The following SCAPER variants were observed in gnomAD, a reference collection of about 807,000 sequenced individuals.
SCAPER encodes the protein S-phase cyclin A associated protein in the ER.
Under a neutral mutation model 182.2 loss-of-function variants are expected in SCAPER, and 98 were observed. That is an observed-to-expected ratio of 0.54 (90% CI 0.46 to 0.64). The LOEUF (loss-of-function observed/expected upper bound fraction) is 0.64. Among genes scored for constraint, SCAPER ranks in the 30% least tolerant of loss-of-function variants. The probability of loss-of-function intolerance (pLI) is 0.00; values close to 1 mark genes in which losing one functional copy is unlikely to be tolerated. For missense variants in SCAPER, 1,432 were observed against 1,690.0 expected, an observed-to-expected ratio of 0.85 and a Z score of 2.68; for synonymous variants, 605 against 564.6, an observed-to-expected ratio of 1.07 and a Z score of -1.01.
intron 8 of SCAPER, among the ~76,000 whole-genome samples, chr15:76,794,990 T>C (rs1169614921): frequency 6.6e-6 from 1 of 152,196 alleles, no homozygotes. Flanking sequence ...TTTTTGTTCC[T>C]ACCTGAAGTC....
rs553094698 is a variant in SCAPER at position 76,610,557 on chromosome 15, T to C, written c.2711+11207A>G. On this transcript the variant is annotated intron_variant, in intron 22 of 31. Transcript: ENST00000563290. ...TAAAGATTCTACAAAAAAATCCTGA[T>C]AGTATTAATATACAAATTCAGTAAA... is the stretch of plus-strand genomic sequence containing the variant. 4.6e-5 allele frequency among the ~76,000 whole-genome samples: 7 copies of C among 152,324 alleles called. No individual in the cohort carries two copies. In the South Asian group the frequency reaches 1.2e-3, roughly 27 times the overall value.
chr15:76,744,518 C>A (rs1388690782), intron 15 of SCAPER, among the ~76,000 whole-genome samples: 1 of 152,006 alleles, frequency 6.6e-6, no homozygotes, highest in Non-Finnish European at 1.5e-5. Context: ...AAGTGTCCAA[C>A]TAACATGAAA....
At chr15:76,562,337 G>T (rs1474201870) in intron 23 of SCAPER, among the ~76,000 whole-genome samples, 3 of 151,910 alleles carry the variant, frequency 2.0e-5, no homozygotes, top group African/African-American at 7.3e-5. Context: ...TTCATCAAAA[G>T]AACCAAAAGA....
chr15:76,662,917 A>G (rs1424735959), intron 21 of SCAPER, among the ~76,000 whole-genome samples: 4 of 152,136 alleles, frequency 2.6e-5, no homozygotes, highest in Admixed American at 6.6e-5. Flanking sequence ...TCTCTTAGAC[A>G]CACCCAGAAA....
At chr15:76,757,377 T>C (rs1024394206) in intron 14 of SCAPER, among the ~76,000 whole-genome samples, 1 of 152,132 alleles carries the variant, frequency 6.6e-6, no homozygotes, top group African/African-American at 2.4e-5. Flanking sequence ...TAGCTTAATA[T>C]CCTCTAGCTC....
chr15:76,462,244 CTA>C (rs2049246608), intron 25 of SCAPER, among the ~76,000 whole-genome samples: 2 of 152,186 alleles, frequency 1.3e-5, no homozygotes, highest in Admixed American at 6.5e-5. Flanking sequence ...TTCCAAGTGA[CTA>C]TTCCCATCAG....
At chr15:76,431,556 G>A (rs1320218367) in intron 26 of SCAPER, among the ~76,000 whole-genome samples, 1 of 151,708 alleles carries the variant, frequency 6.6e-6, no homozygotes, top group Non-Finnish European at 1.5e-5. Context: ...GACTGTACTG[G>A]AGCCCTTTCT....
At chr15:76,857,746 T>C (rs1400368024) in intron 4 of SCAPER, 63 bp downstream of exon 4, 16 of 1,022,706 alleles carry the variant, frequency 1.6e-5, no homozygotes, top group East Asian at 8.1e-5. Context: ...ATTTTCATAA[T>C]TTATAATACA....
At chr15:76,889,886 T>C (rs1004986717) in intron 1 of SCAPER, among the ~76,000 whole-genome samples, 1 of 152,284 alleles carries the variant, frequency 6.6e-6, no homozygotes, top group South Asian at 2.1e-4. Flanking sequence ...CAGCACCACG[T>C]TGCACTTATT....
chr15:76,768,822 T>A, intron 10 of SCAPER, among the ~76,000 whole-genome samples: 1 of 17,214 alleles, frequency 5.8e-5, no homozygotes. Context: ...CTAGGTATTT[T>A]CTCAAAAAAA....
chr15:76,702,378 G>A (rs888682914), intron 19 of SCAPER, among the ~76,000 whole-genome samples: 1 of 152,052 alleles, frequency 6.6e-6, no homozygotes, highest in Non-Finnish European at 1.5e-5. Context: ...ATTCCAAAAT[G>A]CTGATGTTAT....
At chr15:76,587,744 G>T (rs569259311) in intron 22 of SCAPER, among the ~76,000 whole-genome samples, 4 of 152,012 alleles carry the variant, frequency 2.6e-5, no homozygotes, top group Non-Finnish European at 5.9e-5. Flanking sequence ...CTGATTAATA[G>T]AATGTATATT....
chr15:76,654,354 G>A (rs1241404545), intron 21 of SCAPER, among the ~76,000 whole-genome samples: 1 of 151,606 alleles, frequency 6.6e-6, no homozygotes, highest in Non-Finnish European at 1.5e-5. Context: ...CTTGCAGTGA[G>A]CCGAGATCAC....
chr15:76,553,272 T>C (rs1380890535), intron 23 of SCAPER, among the ~76,000 whole-genome samples: 1 of 152,204 alleles, frequency 6.6e-6, no homozygotes. Context: ...ACCCAGCCCC[T>C]GCTGGCACTC....
At chr15:76,349,043 C>G (rs1192411174) in intron 31 of SCAPER, 1 of 189,984 alleles carries the variant, frequency 5.3e-6, no homozygotes, top group Non-Finnish European at 1.1e-5. Context: ...AGCAACCAGG[C>G]AAGCACAGTG....
intron 2 of SCAPER, among the ~76,000 whole-genome samples, chr15:76,870,968 G>T (rs1002678458): frequency 9.2e-5 from 14 of 152,062 alleles, no homozygotes; most frequent in African/African-American, 3.4e-4. Context: ...AAAAACCTTA[G>T]AAGTAGTTAC....
chr15:76,638,255 A>C (rs1391931025), intron 21 of SCAPER, among the ~76,000 whole-genome samples: 1 of 151,958 alleles, frequency 6.6e-6, no homozygotes, highest in Non-Finnish European at 1.5e-5. Flanking sequence ...CAAATCTTTT[A>C]TGCTGTTTTC....
intron 21 of SCAPER, among the ~76,000 whole-genome samples, chr15:76,653,334 A>G (rs1454939977): frequency 6.6e-6 from 1 of 152,232 alleles, no homozygotes; most frequent in African/African-American, 2.4e-5. Flanking sequence ...CAAACTGCCA[A>G]TGTCATTCTT....
chr15:76,549,418 A>T (rs2045567065), intron 23 of SCAPER, among the ~76,000 whole-genome samples: 1 of 152,208 alleles, frequency 6.6e-6, no homozygotes, highest in Admixed American at 6.5e-5. Flanking sequence ...ATGGAATACT[A>T]TGCAGCCATA....
Sources: allele counts gnomAD v4.1 joint callset (sites outside exome capture counted in the v4.1 genomes callset), GRCh38; gene constraint gnomAD v4.1.1; transcripts MANE v1.5; gene names NCBI Gene and HGNC (gene_info 2026-07-23, HGNC 2026-07-21).